RAB11FIP4: variants seen among roughly 807,000 people sequenced by gnomAD.
RAB11FIP4 encodes the protein RAB11 family interacting protein 4, also known as rab11 family-interacting protein 4.
RAB11FIP4 carries 23 observed loss-of-function variants against 74.3 expected under a neutral mutation model. The observed-to-expected ratio is 0.31, with a 90% CI of 0.22 to 0.44. The LOEUF is 0.44. RAB11FIP4 is among the 20% of genes least tolerant of loss of function. The pLI is 1.00. For synonymous variants in RAB11FIP4, 360 were observed against 359.9 expected (o/e 1.00, Z 0.00); for missense variants, 630 against 863.9 (o/e 0.73, Z 3.39).
At chr17:31,527,955 G>T in intron 11 of RAB11FIP4, 32 bp downstream of exon 11, 1 of 1,541,000 alleles carries the variant, frequency 6.5e-7, no homozygotes, top group Non-Finnish European at 8.8e-7. Context: ...GGAGGGGCAG[G>T]GCTGGCCATC....
chr17:31,488,205 C>A (rs1405607618), intron 3 of RAB11FIP4: 2 of 1,112,818 alleles, frequency 1.8e-6, no homozygotes, highest in South Asian at 8.7e-5. Flanking sequence ...GACCCGCGCC[C>A]GCTGGCTTCC....
chr17:31,414,737 G>A (rs753788198), intron 1 of RAB11FIP4, among the ~76,000 whole-genome samples: 1 of 152,196 alleles, frequency 6.6e-6, no homozygotes, highest in African/African-American at 2.4e-5. Context: ...CTCCAAAGCC[G>A]CACAGGCCCT....
intron 1 of RAB11FIP4, among the ~76,000 whole-genome samples, chr17:31,421,530 G>C (rs2071199232): frequency 7.6e-6 from 1 of 131,418 alleles, no homozygotes; most frequent in Middle Eastern, 6.5e-3. Context: ...CTGATTTTTA[G>C]TTTAATTATA....
intron 4 of RAB11FIP4, among the ~76,000 whole-genome samples, chr17:31,519,007 CTTTTTTTTTTT>C (rs1190316585): frequency 2.7e-5 from 2 of 73,964 alleles, no homozygotes; most frequent in Non-Finnish European, 5.0e-5. Flanking sequence ...TAAGTTTTGT[CTTTTTTTTTTT>C]TTTTTTTTTT....
intron 3 of RAB11FIP4, among the ~76,000 whole-genome samples, chr17:31,472,217 G>GT (rs1159971691): frequency 4.6e-5 from 7 of 151,842 alleles, no homozygotes; most frequent in Non-Finnish European, 1.0e-4. Context: ...CCCACCTGAG[G>GT]TCAGGTCCCC....
At position 31,422,135 on chromosome 17, in the gene RAB11FIP4, G is replaced by A. The variant is rs569693386; in HGVS notation, c.160-9678G>A. On this transcript the variant is annotated intron_variant, in intron 1 of 14. Transcript: ENST00000621161. ...GGCTGCAGTGAGCTATGATCACACC[G>A]CTGCACTCCAGCCAAGGTGACAGAG... Among the ~76,000 whole-genome samples, 23 of 152,170 alleles carry A rather than the reference G, an allele frequency of 1.5e-4. No homozygotes were observed. In the East Asian group the frequency reaches 3.1e-3, roughly 21 times the overall value.
intron 8 of RAB11FIP4, 139 bp downstream of exon 8, chr17:31,523,750 G>A (rs1393041759): frequency 8.8e-6 from 9 of 1,022,344 alleles, no homozygotes; most frequent in South Asian, 6.6e-5. Context: ...CTGGTCACGT[G>A]TTCCCCACTC....
chr17:31,523,968 A>G lies in RAB11FIP4; in HGVS notation c.1105A>G (p.Lys369Glu). The part of the protein sequence containing the change: ...LTNGDLKSKL[K>E]QENTQLVHRV... ...CAATGGGGACCTGAAGAGCAAGCTG[A>G]AGCAAGAGAACACACAGCTGGTGCA... The change falls in exon 9 of 15, where the codon AAG becomes GAG. Residue 369 changes from lysine to glutamate, a missense_variant. Coordinates refer to ENST00000621161, the MANE Select transcript of RAB11FIP4 (RefSeq NM_032932.6). 6.2e-7 allele frequency: 1 copy of G among 1,612,104 alleles called. No individual in the cohort carries two copies. Among genetic ancestry groups the G allele is most frequent in the Non-Finnish European group, 8.5e-7 (1 of 1,179,312 alleles).
At chr17:31,489,356 G>A (rs1005639176) in intron 3 of RAB11FIP4, among the ~76,000 whole-genome samples, 4 of 152,168 alleles carry the variant, frequency 2.6e-5, no homozygotes, top group African/African-American at 9.7e-5. Flanking sequence ...GGAAAAAGGA[G>A]ACTCAAAGGG....
chr17:31,418,772 C>T (rs1485652874), intron 1 of RAB11FIP4, among the ~76,000 whole-genome samples: 1 of 152,046 alleles, frequency 6.6e-6, no homozygotes, highest in Non-Finnish European at 1.5e-5. Context: ...CCAGCCAGTT[C>T]CCTTGATTTT....
chr17:31,414,759 C>T (rs1488758668), intron 1 of RAB11FIP4, among the ~76,000 whole-genome samples: 2 of 152,258 alleles, frequency 1.3e-5, no homozygotes, highest in African/African-American at 4.8e-5. Flanking sequence ...TCCACCTCCC[C>T]TCCCATCACC....
intron 1 of RAB11FIP4, among the ~76,000 whole-genome samples, chr17:31,398,980 G>A (rs2070958306): frequency 6.6e-6 from 1 of 152,212 alleles, no homozygotes; most frequent in Non-Finnish European, 1.5e-5. Flanking sequence ...GCTAGGGTGG[G>A]CAGCAGGCTC....
Position 31,391,680 on chromosome 17 carries a change from G to C in RAB11FIP4, c.-173G>C, listed in dbSNP as rs2070871921. The C allele has an allele frequency of 8.3e-6, 2 of 241,444 alleles. No homozygotes were observed. Among genetic ancestry groups the C allele is most frequent in the South Asian group, 1.5e-4 (1 of 6,598 alleles). The allele number at this position is 241,444 out of a possible 1,614,324, so 15.0% of individuals were successfully genotyped here. A position where few individuals can be genotyped will look rare whatever the true frequency, so the allele number is the denominator to read the frequency against. On this transcript the variant is annotated 5_prime_UTR_variant, in exon 1 of 15. Coordinates refer to ENST00000621161, the MANE Select transcript of RAB11FIP4 (RefSeq NM_032932.6). ...CCTCCCCTCCCTTCCCCTCCGGAGC[G>C]GCTGGGGCTGCGGCGCCGCTGCTGA...
intron 1 of RAB11FIP4, among the ~76,000 whole-genome samples, chr17:31,423,218 C>CT (rs2071216831): frequency 6.6e-6 from 1 of 152,146 alleles, no homozygotes; most frequent in South Asian, 2.1e-4. Context: ...CGCGCCCAGC[C>CT]TTTTTGTCTT....
rs557562705 is a variant in RAB11FIP4 at position 31,476,687 on chromosome 17, C to G, written c.337-40964C>G. Among the ~76,000 whole-genome samples the G allele has an allele frequency of 3.3e-5, 5 of 152,280 alleles. No individual in the cohort carries two copies. The East Asian group carries it at 7.7e-4, about 23-fold the overall frequency. On this transcript the variant is annotated intron_variant, in intron 3 of 14. Coordinates refer to ENST00000621161, the MANE Select transcript of RAB11FIP4 (RefSeq NM_032932.6). Reference sequence around the variant, plus strand: ...AGAAAGGTTTCTTTTTTAGGGCACCCCATGAGCAGCCTGCCTCCCCACTGC... The same window carrying G: ...AGAAAGGTTTCTTTTTTAGGGCACCGCATGAGCAGCCTGCCTCCCCACTGC...
At chr17:31,505,207 T>C (rs1240535914) in intron 3 of RAB11FIP4, among the ~76,000 whole-genome samples, 3 of 151,246 alleles carry the variant, frequency 2.0e-5, no homozygotes, top group African/African-American at 7.3e-5. Flanking sequence ...GCTTTGGTGT[T>C]TTGCAGCAAT....
chr17:31,421,329 G>A (rs867727199), intron 1 of RAB11FIP4, among the ~76,000 whole-genome samples: 33 of 150,726 alleles, frequency 2.2e-4, no homozygotes, highest in African/African-American at 7.8e-4. Flanking sequence ...AGTAATTCTC[G>A]TGCTTCAGCC....
intron 3 of RAB11FIP4, chr17:31,488,576 C>G (rs917883054): frequency 5.2e-6 from 1 of 191,290 alleles, no homozygotes; most frequent in Non-Finnish European, 1.1e-5. Flanking sequence ...CCCTCCTGCC[C>G]TTGCGGGATC....
At chr17:31,480,568 G>A (rs1423095839) in intron 3 of RAB11FIP4, among the ~76,000 whole-genome samples, 3 of 152,060 alleles carry the variant, frequency 2.0e-5, no homozygotes, top group South Asian at 2.1e-4. Context: ...TGGGTGGATC[G>A]CTTTAGGTCA....
Sources: allele counts gnomAD v4.1 joint callset (sites outside exome capture counted in the v4.1 genomes callset), GRCh38; gene constraint gnomAD v4.1.1; transcripts MANE v1.5; gene names NCBI Gene and HGNC (gene_info 2026-07-23, HGNC 2026-07-21).